The following CTBP2 variants were observed in gnomAD, a reference collection of about 807,000 sequenced individuals.
The protein encoded by CTBP2 is C-terminal binding protein 2.
Under a neutral mutation model 80.3 loss-of-function variants are expected in CTBP2, and 30 were observed. The observed-to-expected ratio is 0.37, with a 90% CI of 0.28 to 0.51. The LOEUF (loss-of-function observed/expected upper bound fraction) is 0.51, where lower values mean the gene tolerates loss of function less well. Among genes scored for constraint, CTBP2 ranks in the 20% least tolerant of loss-of-function variants. CTBP2 has a pLI of 0.93. For missense variants in CTBP2, 1,212 were observed against 1,375.3 expected (o/e 0.88, Z 1.88); for synonymous variants, 594 against 587.4 (o/e 1.01, Z -0.16).
rs756574193 is a variant in CTBP2, at chr10:125,027,347, C to A, written c.413G>T (p.Ser138Ile). The change falls in exon 1 of 9, where the codon AGC becomes ATC. Residue 138 changes from serine to isoleucine, a missense_variant. Ser to Ile is a moderately radical substitution (Grantham distance 142). Coordinates refer to ENST00000309035, the MANE Select transcript of CTBP2 (RefSeq NM_022802.3). ...CGTTCTGCTGCCAAGCACTCCGTAG[C>A]TGGGGACCGGCCGGCTGACTCCTGG... is the stretch of plus-strand genomic sequence containing the variant. 3.7e-6 allele frequency: 6 copies of A among 1,613,610 alleles called. No individual in the cohort carries two copies. The South Asian group carries it at 5.5e-5, about 15-fold the overall frequency.
chr10:125,030,914 A>AG (rs199929473), upstream of CTBP2, among the ~76,000 whole-genome samples: 531 of 152,306 alleles, frequency 3.5e-3, 9 homozygotes, highest in Admixed American at 0.02. Context: ...ACAAAGGGCC[A>AG]GGGCAGCTCT....
At chr10:125,159,375 G>A (rs1253417305) in intron 1 of CTBP2, among the ~76,000 whole-genome samples, 1 of 146,572 alleles carries the variant, frequency 6.8e-6, no homozygotes, top group Non-Finnish European at 1.5e-5. Flanking sequence ...GGTGCCCGCG[G>A]GAGCGCGGCC....
chr10:125,002,998 C>A lies in CTBP2; in HGVS notation c.1940G>T (p.Gly647Val). The change falls in exon 3 of 9, where the codon GGC becomes GTC. Residue 647 changes from glycine (G) to valine (V), a missense_variant. Gly to Val is a moderately radical substitution (Grantham distance 109). Around this residue, in one of 3 missense-constraint regions of CTBP2, gnomAD observed 335 missense variants for 504.7 expected, o/e 0.66. Coordinates refer to ENST00000309035, the MANE Select transcript of CTBP2 (RefSeq NM_022802.3). ...AGCCTTGATGTCCACGTTGTCATAGCCACTGCCTATCCGCACGATCACTCT... is the reference window on the plus strand; with the variant it reads ...AGCCTTGATGTCCACGTTGTCATAGACACTGCCTATCCGCACGATCACTCT... The A allele has an allele frequency of 6.2e-7, 1 of 1,613,806 alleles. No individual in the cohort carries two copies. Among genetic ancestry groups the A allele is most frequent in the Non-Finnish European group, 8.5e-7 (1 of 1,180,002 alleles).
intron 3 of CTBP2, among the ~76,000 whole-genome samples, chr10:125,036,673 GT>G (rs1958916360): frequency 4.7e-3 from 44 of 9,360 alleles, no homozygotes; most frequent in Admixed American, 0.04. Context: ...GAGGGGGTGT[GT>G]GTGTGTGTGT....
intron 2 of CTBP2, among the ~76,000 whole-genome samples, chr10:125,050,580 A>G (rs718947): frequency 0.3 from 45,674 of 151,948 alleles, 7,552 homozygotes; most frequent in Admixed American, 0.38. Context: ...TGTCACACAA[A>G]TTCATCTTTG....
At chr10:125,072,651 A>T (rs1845683827) in intron 2 of CTBP2, among the ~76,000 whole-genome samples, 2 of 150,416 alleles carry the variant, frequency 1.3e-5, no homozygotes, top group Non-Finnish European at 3.0e-5. Flanking sequence ...AAAAAAAAAA[A>T]AAAAAAGGAA....
At chr10:125,125,053 G>A (rs1480024707) in intron 1 of CTBP2, among the ~76,000 whole-genome samples, 2 of 152,120 alleles carry the variant, frequency 1.3e-5, no homozygotes, top group South Asian at 4.2e-4. Flanking sequence ...ACTGCCACTG[G>A]CTGTAGCCAC....
At chr10:125,068,220 C>A (rs1319586456) in intron 2 of CTBP2, among the ~76,000 whole-genome samples, 1 of 152,212 alleles carries the variant, frequency 6.6e-6, no homozygotes, top group Non-Finnish European at 1.5e-5. Context: ...GCGAAGGACA[C>A]GTCCATTCTG....
chr10:125,135,590 C>G (rs1856854228), intron 1 of CTBP2, among the ~76,000 whole-genome samples: 1 of 152,220 alleles, frequency 6.6e-6, no homozygotes, highest in Admixed American at 6.5e-5. Context: ...AGATCCCAGC[C>G]TCCCTTCATT....
At chr10:125,034,215 ACC>A (rs1958587663) in intron 3 of CTBP2, among the ~76,000 whole-genome samples, 1 of 152,144 alleles carries the variant, frequency 6.6e-6, no homozygotes, top group Non-Finnish European at 1.5e-5. Context: ...CAGTCTATGA[ACC>A]CCATCCCCAG....
intron 2 of CTBP2, among the ~76,000 whole-genome samples, chr10:125,040,346 T>C (rs1269627530): frequency 6.6e-6 from 1 of 150,956 alleles, no homozygotes; most frequent in Non-Finnish European, 1.5e-5. Context: ...TCCCAGCTAC[T>C]TGGGAGGCTG....
chr10:125,026,130 G>C lies in CTBP2; in HGVS notation c.1630C>G (p.Arg544Gly), dbSNP rs755754775. 6.3e-7 allele frequency: 1 copy of C among 1,595,202 alleles called. No individual in the cohort carries two copies. The highest frequency in any genetic ancestry group is 8.6e-7 in the Non-Finnish European group (1 of 1,167,136). ...GACACGATGATGGGTGCCCCTGTGC[G>C]CCGGGCCACCTTCTGGTACGGTGAG... is the stretch of plus-strand genomic sequence containing the variant. The change falls in exon 1 of 9, where the codon CGC becomes GGC. Residue 544 changes from arginine (R) to glycine (G), a missense_variant. Transcript: ENST00000309035.
rs1432061020 is a variant in CTBP2 at position 124,988,090 on chromosome 10, C to T, written c.*1428G>A. The T allele has an allele frequency of 2.6e-5, 4 of 152,414 alleles. No homozygotes were observed. Among genetic ancestry groups the T allele is most frequent in the African/African-American group, 9.7e-5 (4 of 41,374 alleles). The allele number at this position is 152,414 out of a possible 1,614,324, so 9.4% of individuals were successfully genotyped here. Reference sequence around the variant, plus strand: ...TTTGTTTTTTTTTGAATTGATTTAGCACTAACCCACCATTGCATCTTAAGG... The same window carrying T: ...TTTGTTTTTTTTTGAATTGATTTAGTACTAACCCACCATTGCATCTTAAGG... On this transcript the variant is annotated 3_prime_UTR_variant, in exon 9 of 9. Coordinates refer to ENST00000309035, the MANE Select transcript of CTBP2 (RefSeq NM_022802.3).
intron 2 of CTBP2, among the ~76,000 whole-genome samples, chr10:125,083,865 C>T (rs1255534191): frequency 6.6e-6 from 1 of 152,180 alleles, no homozygotes; most frequent in Non-Finnish European, 1.5e-5. Flanking sequence ...ACTGCAACCT[C>T]CGTTCCCTGG....
intron 1 of CTBP2, among the ~76,000 whole-genome samples, chr10:125,011,235 CAA>C (rs1047904308): frequency 6.6e-6 from 1 of 152,204 alleles, no homozygotes; most frequent in Non-Finnish European, 1.5e-5. Flanking sequence ...GCATTCTCTG[CAA>C]AGTCAGCTGG....
At chr10:124,990,278 C>A (rs961382856) in intron 8 of CTBP2, among the ~76,000 whole-genome samples, 1 of 151,882 alleles carries the variant, frequency 6.6e-6, no homozygotes, top group African/African-American at 2.4e-5. Flanking sequence ...CTCCCGACCT[C>A]GTGATCCGCC....
intron 1 of CTBP2, among the ~76,000 whole-genome samples, chr10:125,127,953 G>T (rs1021680893): frequency 6.6e-6 from 1 of 152,162 alleles, no homozygotes; most frequent in African/African-American, 2.4e-5. Flanking sequence ...CCTGAAAGAG[G>T]TAGGATATAA....
intron 2 of CTBP2, among the ~76,000 whole-genome samples, chr10:125,096,260 G>A (rs376096067): frequency 2.6e-4 from 39 of 152,084 alleles, no homozygotes; most frequent in South Asian, 1.0e-3. Flanking sequence ...TTTCCTTTTC[G>A]TCTTTTTTTC....
upstream of CTBP2, among the ~76,000 whole-genome samples, chr10:125,029,501 C>G (rs1044126506): frequency 6.6e-6 from 1 of 152,156 alleles, no homozygotes; most frequent in African/African-American, 2.4e-5. Context: ...CTCAGGTGAT[C>G]CACCCACCTC....
Sources: gnomAD v4.1 joint callset for allele counts (sites outside exome capture counted in the v4.1 genomes callset) on GRCh38, gnomAD v4.1.1 for gene constraint, gnomAD v4.1.1 regional missense constraint, MANE v1.5 for transcripts, NCBI Gene and HGNC (gene_info 2026-07-23, HGNC 2026-07-21) for gene names.